Variants in RIMS1 observed in about 807,000 individuals in gnomAD.
The protein encoded by RIMS1 is regulating synaptic membrane exocytosis protein 1.
A neutral mutation model predicts 214.1 loss-of-function variants in RIMS1; 83 were observed. That is an observed-to-expected ratio of 0.39 (90% CI 0.32 to 0.47). RIMS1 has a LOEUF of 0.47. Ranked by LOEUF, RIMS1 falls within the 20% of genes least tolerant of loss-of-function variation. The probability of loss-of-function intolerance (pLI) is 0.99; values close to 1 mark genes in which losing one functional copy is unlikely to be tolerated. For synonymous variants in RIMS1, 793 were observed against 786.8 expected (o/e 1.01, Z -0.13); for missense variants, 2,050 against 2,161.8 (o/e 0.95, Z 1.03).
chr6:72,157,338 T>A (rs1348020335), intron 4 of RIMS1, among the ~76,000 whole-genome samples: 2 of 140,654 alleles, frequency 1.4e-5, no homozygotes, highest in African/African-American at 4.9e-5. Flanking sequence ...CCAACTCTTC[T>A]ATATCCTTGC....
chr6:71,968,822 G>C (rs1056636611), intron 1 of RIMS1, among the ~76,000 whole-genome samples, 161 bp from the exon 2 acceptor site: 1 of 152,206 alleles, frequency 6.6e-6, no homozygotes, highest in African/African-American at 2.4e-5. Flanking sequence ...TGAGTCAAAG[G>C]TTTCCAACTC....
chr6:72,090,367 C>T (rs1376625158), intron 2 of RIMS1, among the ~76,000 whole-genome samples: 1 of 152,154 alleles, frequency 6.6e-6, no homozygotes, highest in East Asian at 1.9e-4. Context: ...TCCAAGAGAT[C>T]AATCCAAGAC....
chr6:71,961,097 T>G (rs1792824388), intron 1 of RIMS1, among the ~76,000 whole-genome samples: 1 of 152,132 alleles, frequency 6.6e-6, no homozygotes, highest in African/African-American at 2.4e-5. Context: ...AGGCAAAGTT[T>G]CTGCCTCTAG....
At chr6:72,178,175 A>G (rs1408178069) in intron 4 of RIMS1, among the ~76,000 whole-genome samples, 1 of 152,054 alleles carries the variant, frequency 6.6e-6, no homozygotes, top group Non-Finnish European at 1.5e-5. Context: ...TATAGCAAGT[A>G]TTTCTCTTCA....
chr6:71,913,279 G>T (rs1048466303), intron 1 of RIMS1, among the ~76,000 whole-genome samples: 5 of 152,084 alleles, frequency 3.3e-5, no homozygotes, highest in African/African-American at 9.7e-5. Context: ...ATTAGGCTTG[G>T]CACCTCAATC....
chr6:71,982,866 C>T (rs1798846175), intron 2 of RIMS1, among the ~76,000 whole-genome samples: 1 of 152,232 alleles, frequency 6.6e-6, no homozygotes. Context: ...TCCAATAGTC[C>T]ATGTATAAAT....
chr6:72,275,561 C>T (rs1177035522), intron 23 of RIMS1, among the ~76,000 whole-genome samples: 1 of 151,990 alleles, frequency 6.6e-6, no homozygotes, highest in Non-Finnish European at 1.5e-5. Context: ...GTTTCAGGAA[C>T]ATTTTAGCAT....
intron 2 of RIMS1, among the ~76,000 whole-genome samples, chr6:72,060,934 G>A (rs1395627418): frequency 6.6e-6 from 1 of 152,106 alleles, no homozygotes; most frequent in Admixed American, 6.6e-5. Context: ...TGTTGAATGA[G>A]AAAATTTTCT....
chr6:72,237,281 AAG>A (rs1233328339), intron 8 of RIMS1, among the ~76,000 whole-genome samples: 8 of 151,912 alleles, frequency 5.3e-5, no homozygotes, highest in Non-Finnish European at 1.0e-4. Context: ...AAAGAAAGAA[AAG>A]AGAAAGAAAG....
chr6:71,961,248 T>C (rs1298566167), intron 1 of RIMS1, among the ~76,000 whole-genome samples: 2 of 152,136 alleles, frequency 1.3e-5, no homozygotes, highest in African/African-American at 2.4e-5. Context: ...AAATGAAAGG[T>C]GACATTTTGA....
chr6:72,366,903 T>TAATTTTTCAAGATAGAC, intron 29 of RIMS1: 2 of 958,994 alleles, frequency 2.1e-6, no homozygotes, highest in South Asian at 9.6e-5. Flanking sequence ...TACTAAGTTA[T>TAATTTTTCAAGATAGAC]AAGGGGAGTT....
intron 29 of RIMS1, among the ~76,000 whole-genome samples, chr6:72,388,753 T>A (rs1438240610): frequency 6.6e-6 from 1 of 152,128 alleles, no homozygotes; most frequent in African/African-American, 2.4e-5. Context: ...GTTAGAGGAA[T>A]CAAAGATGAT....
intron 28 of RIMS1, among the ~76,000 whole-genome samples, chr6:72,329,672 A>G (rs761093871): frequency 9.9e-5 from 15 of 151,764 alleles, no homozygotes; most frequent in South Asian, 2.1e-4. Context: ...TTGTTAGCCA[A>G]TGCACAAGCA....
At chr6:72,201,323 G>A (rs187794441) in intron 6 of RIMS1, among the ~76,000 whole-genome samples, 1 of 152,174 alleles carries the variant, frequency 6.6e-6, no homozygotes, top group African/African-American at 2.4e-5. Flanking sequence ...CATTTTAAGG[G>A]GAAACATTTA....
chr6:71,971,554 G>A (rs770322868), intron 2 of RIMS1, among the ~76,000 whole-genome samples: 49 of 152,282 alleles, frequency 3.2e-4, no homozygotes, highest in Admixed American at 1.4e-3. Flanking sequence ...TCTAGGCATA[G>A]ATGGTGTATT....
In RIMS1 at chr6:72,008,837, AC is replaced by A. The variant is rs1808998122; in HGVS notation, c.245+39776del. On this transcript the variant is annotated intron_variant, in intron 2 of 33. Transcript: ENST00000521978. ...AGATTCATAAAGCAAGTCCTTAGAG[AC>A]CTACAAAGAGACTTAGACTCCCACA... Among the ~76,000 whole-genome samples, 2 of 151,224 alleles carry A rather than the reference AC, an allele frequency of 1.3e-5. 1 individual carries two copies. Among genetic ancestry groups the A allele is most frequent in the South Asian group, 4.2e-4 (2 of 4,800 alleles).
intron 12 of RIMS1, 102 bp from the exon 13 acceptor site, chr6:72,250,222 TATTGTA>T: frequency 9.9e-7 from 1 of 1,008,986 alleles, no homozygotes; most frequent in Non-Finnish European, 1.5e-6. Flanking sequence ...AATTGCATTA[TATTGTA>T]ATTCAAAATT....
chr6:72,283,044 G>A lies in RIMS1; in HGVS notation c.3483-1003G>A, dbSNP rs571693581. 5.3e-5 allele frequency among the ~76,000 whole-genome samples: 8 copies of A among 151,674 alleles called. 1 individual carries two copies. The South Asian group carries it at 1.7e-3, about 32-fold the overall frequency. On this transcript the variant is annotated intron_variant, in intron 23 of 33. Transcript: ENST00000521978. The stretch of plus-strand genomic sequence containing the variant: ...GTGTTCCTAGTGCCTAGCAGAACTT[G>A]GTATATACTAGATACTTAATTAGGA...
At chr6:72,305,883 CAA>C (rs925647593) in intron 26 of RIMS1, among the ~76,000 whole-genome samples, 1 of 152,050 alleles carries the variant, frequency 6.6e-6, no homozygotes, top group Non-Finnish European at 1.5e-5. Flanking sequence ...TGAATTTAAA[CAA>C]AGTGAAACAT....
Sources: allele counts gnomAD v4.1 joint callset (sites outside exome capture counted in the v4.1 genomes callset), GRCh38; gene constraint gnomAD v4.1.1; transcripts MANE v1.5; gene names NCBI Gene and HGNC (gene_info 2026-07-23, HGNC 2026-07-21).